Variants in B4GALT4 observed in about 807,000 individuals in gnomAD.
B4GALT4 encodes beta-1,4-galactosyltransferase 4, also known as N-acetyllactosamine synthase.
B4GALT4 carries 27 observed loss-of-function variants against 37.3 expected under a neutral mutation model. The observed-to-expected ratio is 0.72, with a 90% CI of 0.53 to 1.00. The LOEUF (loss-of-function observed/expected upper bound fraction) is 1.00, where lower values mean the gene tolerates loss of function less well. Ranked by LOEUF, B4GALT4 falls within the 50% of genes least tolerant of loss-of-function variation. The probability of loss-of-function intolerance (pLI) is 0.00; values close to 1 mark genes in which losing one functional copy is unlikely to be tolerated. For synonymous variants in B4GALT4, 148 were observed against 154.1 expected (o/e 0.96, Z 0.29); for missense variants, 372 against 413.1 (o/e 0.90, Z 0.86).
chr3:119,233,246 C>T (rs565090235), intron 2 of B4GALT4: 11 of 152,322 alleles, frequency 7.2e-5, no homozygotes, highest in African/African-American at 2.4e-4. Flanking sequence ...CACACATCCA[C>T]CTCCCTCATT....
intron 5 of B4GALT4, among the ~76,000 whole-genome samples, chr3:119,221,195 A>C (rs1164450723): frequency 6.6e-6 from 1 of 152,194 alleles, no homozygotes; most frequent in Non-Finnish European, 1.5e-5. Context: ...TCCTTGTAGG[A>C]AGGAGGCTGG....
Position 119,224,057 on chromosome 3 carries a change from C to A in B4GALT4, c.674+1G>T, listed in dbSNP as rs781114642. On this transcript the variant is annotated splice_donor_variant, in intron 5 of 7. Coordinates refer to ENST00000393765, the MANE Select transcript of B4GALT4 (RefSeq NM_003778.4). LOFTEE classifies it high-confidence loss of function. Reference sequence around the variant, plus strand: ...AGCCACCCTCAGCAGAACCACCTTACCTGTACCCAGTGCTGTTCCTGCCAA... The same window carrying A: ...AGCCACCCTCAGCAGAACCACCTTAACTGTACCCAGTGCTGTTCCTGCCAA... 6.2e-7 allele frequency: 1 copy of A among 1,611,450 alleles called. No homozygotes were observed. Among genetic ancestry groups the A allele is most frequent in the South Asian group, 1.1e-5 (1 of 90,438 alleles).
intron 1 of B4GALT4, among the ~76,000 whole-genome samples, chr3:119,239,325 CAAA>C (rs10684280): frequency 3.3e-5 from 4 of 121,032 alleles, no homozygotes; most frequent in African/African-American, 6.5e-5. Flanking sequence ...GATTCCATCT[CAAA>C]AAAAAAAAAA....
intron 5 of B4GALT4, among the ~76,000 whole-genome samples, chr3:119,219,900 TTTTAAC>T (rs1459745903): frequency 2.0e-5 from 3 of 152,218 alleles, no homozygotes; most frequent in Non-Finnish European, 4.4e-5. Flanking sequence ...TCTAGAGAAT[TTTTAAC>T]TTTAACTTCA....
intron 1 of B4GALT4, chr3:119,240,451 G>A (rs2079121200): frequency 6.6e-6 from 1 of 152,390 alleles, no homozygotes; most frequent in South Asian, 2.1e-4. Context: ...GCTGGAGAAG[G>A]AGGGTTTCCA....
At position 119,236,884 on chromosome 3, in the gene B4GALT4, C is replaced by T. The variant is rs2079000793; in HGVS notation, c.-177G>A. The T allele has an allele frequency of 6.6e-6, 1 of 152,220 alleles. No individual in the cohort carries two copies. Among genetic ancestry groups the T allele is most frequent in the African/African-American group, 2.4e-5 (1 of 41,448 alleles). 9.4% of individuals were successfully genotyped at this position (152,220 alleles called of 1,614,324 possible). The stretch of plus-strand genomic sequence containing the variant: ...CAAATGGCACTTTTGGTCACACCCA[C>T]TGCCTTCCGCTCCTCTGCCTCTAAA... On this transcript the variant is annotated 5_prime_UTR_variant, in exon 2 of 8. It adds an upstream start codon to the 5' untranslated region. Coordinates refer to ENST00000393765, the MANE Select transcript of B4GALT4 (RefSeq NM_003778.4).
rs1464719380 is a variant in B4GALT4 at position 119,225,443 on chromosome 3, CT to C, written c.487-1199del. ...ATGGAATCTCGCTCTGTTGCCCAGG[CT>C]GGAGTGCAGTGGTGTGATCTTACCT... On this transcript the variant is annotated intron_variant, in intron 4 of 7. Coordinates refer to ENST00000393765, the MANE Select transcript of B4GALT4 (RefSeq NM_003778.4). 2.6e-5 allele frequency among the ~76,000 whole-genome samples: 4 copies of C among 152,178 alleles called. No homozygotes were observed. The East Asian group carries it at 7.7e-4, about 29-fold the overall frequency.
At chr3:119,223,901 C>T (rs1263540108) in intron 5 of B4GALT4, among the ~76,000 whole-genome samples, 157 bp downstream of exon 5, 1 of 152,222 alleles carries the variant, frequency 6.6e-6, no homozygotes, top group African/African-American at 2.4e-5. Flanking sequence ...TCATTACATT[C>T]TCTAACTTCT....
chr3:119,219,530 G>A (rs780691128), intron 5 of B4GALT4, among the ~76,000 whole-genome samples: 1 of 152,244 alleles, frequency 6.6e-6, no homozygotes, highest in African/African-American at 2.4e-5. Context: ...CACAAGAGAG[G>A]AACGACTACA....
Position 119,211,847 on chromosome 3 carries a change from T to A in B4GALT4, c.*702A>T. On this transcript the variant is annotated 3_prime_UTR_variant, in exon 8 of 8. Coordinates refer to ENST00000393765, the MANE Select transcript of B4GALT4 (RefSeq NM_003778.4). ...CATATCCTACTTGTACAAAATCATTTTACAAAAACTCTTTAAAAACTAATA... is the reference window on the plus strand; with the variant it reads ...CATATCCTACTTGTACAAAATCATTATACAAAAACTCTTTAAAAACTAATA... 1 of 320,636 alleles carries A rather than the reference T, an allele frequency of 3.1e-6. No individual in the cohort carries two copies. The highest frequency in any genetic ancestry group is 1.0e-4 in the South Asian group (1 of 9,608). 19.9% of individuals were successfully genotyped at this position (320,636 alleles called of 1,614,324 possible).
chr3:119,212,417 A>G lies in B4GALT4; in HGVS notation c.*132T>C. The G allele has an allele frequency of 1.1e-6, 1 of 923,246 alleles. No homozygotes were observed. The highest frequency in any genetic ancestry group is 1.6e-6 in the Non-Finnish European group (1 of 619,466). The allele number at this position is 923,246 out of a possible 1,614,324, so 57.2% of individuals were successfully genotyped here. ...TCACCAGGAGCTCTGCTAAGAAAAT[A>G]CAAAAAGGAAAAATTCAGCTCAACA... On this transcript the variant is annotated 3_prime_UTR_variant, in exon 8 of 8. Coordinates refer to ENST00000393765, the MANE Select transcript of B4GALT4 (RefSeq NM_003778.4).
In B4GALT4 at chr3:119,212,629, T is replaced by G; in HGVS notation, c.955A>C (p.Ser319Arg). The G allele has an allele frequency of 3.1e-6, 5 of 1,613,034 alleles. No homozygotes were observed. Among genetic ancestry groups the G allele is most frequent in the Non-Finnish European group, 4.2e-6 (5 of 1,179,590 alleles). Reference protein sequence around the residue: ...SRVWRTDGLSSCSYKLVSVEH... With the variant: ...SRVWRTDGLSRCSYKLVSVEH... ...ACAGATACTAATTTATAAGAACAAC[T>G]ACTCAACCCATCTGTTCTCCAGACT... The change falls in exon 8 of 8, where the codon AGT (serine) becomes CGT (arginine). Residue 319 changes from serine to arginine, a missense_variant. Physicochemically the swap from Ser to Arg is moderately radical, Grantham distance 110 (BLOSUM62 -1). Transcript: ENST00000393765.
intron 5 of B4GALT4, among the ~76,000 whole-genome samples, chr3:119,222,753 T>C (rs2078486542): frequency 6.6e-6 from 1 of 152,254 alleles, no homozygotes; most frequent in Non-Finnish European, 1.5e-5. Flanking sequence ...TGAGAAGCTC[T>C]TGTTGTTCCA....
At chr3:119,227,117 A>G in intron 3 of B4GALT4, 76 bp from the exon 4 acceptor site, 2 of 1,301,318 alleles carry the variant, frequency 1.5e-6, no homozygotes, top group Admixed American at 3.6e-5. Context: ...GCTAATATGC[A>G]TAGAAAGAAC....
At chr3:119,222,937 A>G (rs1346126771) in intron 5 of B4GALT4, among the ~76,000 whole-genome samples, 1 of 152,208 alleles carries the variant, frequency 6.6e-6, no homozygotes, top group East Asian at 1.9e-4. Context: ...ACCTACATCA[A>G]TGTTACTTAA....
At chr3:119,233,550 T>C (rs2078890729) in intron 2 of B4GALT4, among the ~76,000 whole-genome samples, 1 of 152,160 alleles carries the variant, frequency 6.6e-6, no homozygotes, top group African/African-American at 2.4e-5. Context: ...TGCATGGATT[T>C]GGGTAGATGC....
In B4GALT4 at chr3:119,240,875, C is replaced by T. The variant is rs2079141820; in HGVS notation, c.-389G>A. The T allele has an allele frequency of 6.6e-6, 1 of 152,272 alleles. No individual in the cohort carries two copies. Among genetic ancestry groups the T allele is most frequent in the Non-Finnish European group, 1.5e-5 (1 of 68,076 alleles). The allele number at this position is 152,272 out of a possible 1,614,324, so 9.4% of individuals were successfully genotyped here. A position where few individuals can be genotyped will look rare whatever the true frequency, so the allele number is the denominator to read the frequency against. On this transcript the variant is annotated 5_prime_UTR_variant, in exon 1 of 8. Coordinates refer to ENST00000393765, the MANE Select transcript of B4GALT4 (RefSeq NM_003778.4). The stretch of plus-strand genomic sequence containing the variant: ...CCCGGAGGCGGCCGCGGCGAGCTAG[C>T]ACTGCCCGCGGAGAGGGGAGAACGC...
intron 3 of B4GALT4, 35 bp from the exon 4 acceptor site, chr3:119,227,076 G>A: frequency 6.3e-7 from 1 of 1,586,220 alleles, no homozygotes; most frequent in South Asian, 1.1e-5. Context: ...AATAACAGTA[G>A]CTACTTCAAA....
intron 1 of B4GALT4, among the ~76,000 whole-genome samples, chr3:119,239,427 G>A (rs936160246): frequency 1.3e-5 from 2 of 151,756 alleles, no homozygotes; most frequent in Admixed American, 1.3e-4. Flanking sequence ...TTAAAACAAA[G>A]AATAGAAAAC....
Sources: gnomAD v4.1 joint callset for allele counts (sites outside exome capture counted in the v4.1 genomes callset) on GRCh38, gnomAD v4.1.1 for gene constraint, MANE v1.5 for transcripts, NCBI Gene and HGNC (gene_info 2026-07-23, HGNC 2026-07-21) for gene names.